Variants in ANXA10 observed in about 807,000 individuals in gnomAD.
ANXA10 encodes annexin 14.
Under a neutral mutation model 53.5 loss-of-function variants are expected in ANXA10, and 49 were observed. That is an observed-to-expected ratio of 0.92 (90% CI 0.73 to 1.16). ANXA10 has a LOEUF of 1.16. Among genes scored for constraint, ANXA10 ranks in the 50% most tolerant of loss-of-function variants. ANXA10 has a pLI of 0.00. For missense variants in ANXA10, 393 were observed against 394.4 expected (o/e 1.00, Z 0.03); for synonymous variants, 131 against 128.9 (o/e 1.02, Z -0.11).
At chr4:168,173,445 GT>G (rs1480970107) in intron 6 of ANXA10, among the ~76,000 whole-genome samples, 27 of 152,274 alleles carry the variant, frequency 1.8e-4, no homozygotes, top group African/African-American at 6.5e-4. Context: ...GTGAAGGAAC[GT>G]GGTTTTATGC....
At chr4:168,172,598 G>A (rs114796259) in intron 6 of ANXA10, among the ~76,000 whole-genome samples, 2,783 of 152,158 alleles carry the variant, frequency 0.018, 75 homozygotes, top group African/African-American at 0.063. Flanking sequence ...AATTATTGGT[G>A]TACAGAAGAG....
intron 11 of ANXA10, among the ~76,000 whole-genome samples, chr4:168,184,986 C>G (rs1015075704): frequency 6.6e-6 from 1 of 152,102 alleles, no homozygotes; most frequent in Non-Finnish European, 1.5e-5. Context: ...AACCCCGTCT[C>G]TACTAAAAAT....
At chr4:168,184,708 G>T in intron 11 of ANXA10, 27 bp downstream of exon 11, 1 of 1,608,280 alleles carries the variant, frequency 6.2e-7, no homozygotes, top group South Asian at 1.1e-5. Context: ...TGATTTATTT[G>T]GACCCACATT....
At chr4:168,174,652 A>T (rs1732084110) in intron 6 of ANXA10, among the ~76,000 whole-genome samples, 1 of 152,230 alleles carries the variant, frequency 6.6e-6, no homozygotes, top group East Asian at 1.9e-4. Context: ...ACAGAAAAAA[A>T]ATCCTGTGTC....
chr4:168,110,402 AC>A (rs1279479890), intron 1 of ANXA10, among the ~76,000 whole-genome samples: 4 of 150,292 alleles, frequency 2.7e-5, no homozygotes, highest in African/African-American at 9.8e-5. Context: ...AATGCCTTCC[AC>A]CCATATTAAC....
intron 9 of ANXA10, among the ~76,000 whole-genome samples, chr4:168,181,271 G>A (rs1732237038): frequency 6.6e-6 from 1 of 151,546 alleles, no homozygotes; most frequent in Non-Finnish European, 1.5e-5. Context: ...GGCGCCTGTA[G>A]TCCCAGCTAC....
intron 1 of ANXA10, chr4:168,127,602 T>C (rs1731089050): frequency 5.6e-6 from 1 of 179,026 alleles, no homozygotes; most frequent in Non-Finnish European, 1.2e-5. Context: ...CTCCCATTTT[T>C]TTACTATTGG....
rs1417578663 is a variant in ANXA10 at position 168,097,155 on chromosome 4, G to C, written c.18+4437G>C. 3.3e-5 allele frequency among the ~76,000 whole-genome samples: 5 copies of C among 151,552 alleles called. No homozygotes were observed. In the East Asian group the frequency reaches 7.8e-4, roughly 24 times the overall value. On this transcript the variant is annotated intron_variant, in intron 1 of 11. Transcript: ENST00000359299. Reference sequence around the variant, plus strand: ...TCTGGTAACTTCTCTTCTTTATTATGGTAAAACTCCTCAAACTTGTATTAC... The same window carrying C: ...TCTGGTAACTTCTCTTCTTTATTATCGTAAAACTCCTCAAACTTGTATTAC...
At chr4:168,096,926 A>ATATATATATATATATATATATATGTATG (rs371811709) in intron 1 of ANXA10, among the ~76,000 whole-genome samples, 8 of 129,916 alleles carry the variant, frequency 6.2e-5, no homozygotes, top group Middle Eastern at 4.0e-3. Context: ...ATATATATAT[A>ATATATATATATATATATATATATGTATG]TATGTATGTA....
chr4:168,105,227 A>G (rs1348393570), intron 1 of ANXA10, among the ~76,000 whole-genome samples: 3 of 151,794 alleles, frequency 2.0e-5, no homozygotes, highest in African/African-American at 7.3e-5. Context: ...TATTAAGCCT[A>G]TTACCCCTGA....
chr4:168,167,655 G>A (rs1731904800), intron 6 of ANXA10, among the ~76,000 whole-genome samples: 1 of 152,096 alleles, frequency 6.6e-6, no homozygotes, highest in South Asian at 2.1e-4. Context: ...TTGAAAATGA[G>A]GATCTCTAAA....
At chr4:168,128,210 G>A in intron 2 of ANXA10, 45 bp downstream of exon 2, 1 of 1,531,218 alleles carries the variant, frequency 6.5e-7, no homozygotes, top group Non-Finnish European at 9.0e-7. Context: ...ATTATTTTTT[G>A]CTTTACCTTG....
At chr4:168,147,256 C>G (rs146245563) in intron 3 of ANXA10, among the ~76,000 whole-genome samples, 4 of 152,270 alleles carry the variant, frequency 2.6e-5, no homozygotes, top group African/African-American at 9.6e-5. Context: ...ATGGGAATAT[C>G]AGGCATCAGG....
At chr4:168,093,298 TGAATA>T (rs71588145) in intron 1 of ANXA10, among the ~76,000 whole-genome samples, 23,019 of 152,072 alleles carry the variant, frequency 0.15, 2,025 homozygotes, top group Non-Finnish European at 0.21. Flanking sequence ...AATTTTCTGT[TGAATA>T]GAAGCAATGT....
intron 10 of ANXA10, 59 bp from the exon 11 acceptor site, chr4:168,184,500 G>A: frequency 6.2e-7 from 1 of 1,600,072 alleles, no homozygotes; most frequent in Non-Finnish European, 8.5e-7. Context: ...GTCCACTTGG[G>A]ACAGACTGAC....
chr4:168,150,673 A>G (rs1173998745), intron 3 of ANXA10, among the ~76,000 whole-genome samples: 1 of 152,198 alleles, frequency 6.6e-6, no homozygotes, highest in Admixed American at 6.5e-5. Context: ...GTTAAGCTTC[A>G]TACCTCTCCA....
At chr4:168,168,441 C>A (rs560545139) in intron 6 of ANXA10, among the ~76,000 whole-genome samples, 2 of 151,898 alleles carry the variant, frequency 1.3e-5, no homozygotes, top group East Asian at 3.9e-4. Flanking sequence ...TTTTTTTTAA[C>A]GGAGTTTCAC....
chr4:168,107,172 A>G (rs1360631034), intron 1 of ANXA10, among the ~76,000 whole-genome samples: 1 of 152,170 alleles, frequency 6.6e-6, no homozygotes, highest in Admixed American at 6.6e-5. Context: ...AAAAAAGAAA[A>G]AAATATGGAT....
rs33925175 is a variant in ANXA10 at position 168,165,389 on chromosome 4, C to CAAAA, written c.480+77_480+80dup. Reference sequence around the variant, plus strand: ...TAAGCAAATAAGTATATGTCATTGCCAAAAAAAAAAAAAAAAATAGAACAG... The same window carrying CAAAA: ...TAAGCAAATAAGTATATGTCATTGCCAAAAAAAAAAAAAAAAAAAAATAGAACAG... On this transcript the variant is annotated intron_variant, in intron 6 of 11. Transcript: ENST00000359299. 3,605 of 399,160 alleles carry CAAAA rather than the reference C, an allele frequency of 9.0e-3. 91 individuals are homozygous for CAAAA. The highest frequency in any genetic ancestry group is 0.067 in the East Asian group (1,327 of 19,936). The allele number at this position is 399,160 out of a possible 1,614,324, so 24.7% of individuals were successfully genotyped here. A position where few individuals can be genotyped will look rare whatever the true frequency, so the allele number is the denominator to read the frequency against.
Sources: gnomAD v4.1 joint callset for allele counts (sites outside exome capture counted in the v4.1 genomes callset) on GRCh38, gnomAD v4.1.1 for gene constraint, MANE v1.5 for transcripts, NCBI Gene and HGNC (gene_info 2026-07-23, HGNC 2026-07-21) for gene names.